PFDN1: variants seen among roughly 807,000 people sequenced by gnomAD.
PFDN1 encodes prefoldin subunit 1.
PFDN1 carries 6 observed loss-of-function variants against 17.3 expected under a neutral mutation model. The ratio of observed to expected loss-of-function variants is 0.35; its 90% CI spans 0.19 to 0.69. The LOEUF is 0.69. PFDN1 is among the 30% of genes least tolerant of loss of function. The pLI, the probability that PFDN1 is intolerant of heterozygous loss-of-function variation, is 0.65. For missense variants in PFDN1, 113 were observed against 146.2 expected (o/e 0.77, Z 1.17); for synonymous variants, 58 against 50.1 (o/e 1.16, Z -0.67).
At chr5:140,285,045 A>G (rs950381849) in intron 2 of PFDN1, among the ~76,000 whole-genome samples, 1 of 152,202 alleles carries the variant, frequency 6.6e-6, no homozygotes, top group Non-Finnish European at 1.5e-5. Context: ...ACAATCCCAG[A>G]TCACTTGCAC....
chr5:140,299,527 G>A (rs1365238330), intron 2 of PFDN1, among the ~76,000 whole-genome samples: 1 of 151,464 alleles, frequency 6.6e-6, no homozygotes, highest in Non-Finnish European at 1.5e-5. Flanking sequence ...AACCCAAGAG[G>A]CGGAGGTTGC....
At chr5:140,282,560 T>C (rs951121155) in intron 2 of PFDN1, among the ~76,000 whole-genome samples, 6 of 152,182 alleles carry the variant, frequency 3.9e-5, no homozygotes, top group Admixed American at 6.5e-5. Context: ...CCAGAGTGTA[T>C]ATAGTACCTC....
chr5:140,292,682 C>T (rs1765596605), intron 2 of PFDN1, among the ~76,000 whole-genome samples: 1 of 152,028 alleles, frequency 6.6e-6, no homozygotes, highest in Admixed American at 6.6e-5. Context: ...AACATTCTCC[C>T]AGACAGGTCC....
chr5:140,283,279 C>A (rs570992570), intron 2 of PFDN1, among the ~76,000 whole-genome samples: 1 of 152,132 alleles, frequency 6.6e-6, no homozygotes, highest in African/African-American at 2.4e-5. Flanking sequence ...GTTGCCCAGG[C>A]TGGAGTGCAG....
chr5:140,258,783 G>A (rs1465223515), intron 3 of PFDN1, among the ~76,000 whole-genome samples: 4 of 152,178 alleles, frequency 2.6e-5, no homozygotes, highest in African/African-American at 9.7e-5. Context: ...GACCTGGTTT[G>A]GAAGGGAAGA....
chr5:140,268,541 G>A (rs1765164080), intron 3 of PFDN1, among the ~76,000 whole-genome samples: 1 of 152,072 alleles, frequency 6.6e-6, no homozygotes, highest in African/African-American at 2.4e-5. Flanking sequence ...AGCTACTCGG[G>A]AGGCTGAGGC....
chr5:140,267,808 G>A (rs537039298), intron 3 of PFDN1, among the ~76,000 whole-genome samples: 1 of 151,254 alleles, frequency 6.6e-6, no homozygotes, highest in Non-Finnish European at 1.5e-5. Context: ...ATCATTTTCC[G>A]TGTCTTTATA....
chr5:140,296,522 A>G (rs1342296271), intron 2 of PFDN1, among the ~76,000 whole-genome samples: 1 of 152,168 alleles, frequency 6.6e-6, no homozygotes, highest in African/African-American at 2.4e-5. Context: ...GGCTGAAAAA[A>G]TCTTCAGAGG....
At chr5:140,292,382 G>A (rs1765592880) in intron 2 of PFDN1, among the ~76,000 whole-genome samples, 1 of 152,156 alleles carries the variant, frequency 6.6e-6, no homozygotes, top group Non-Finnish European at 1.5e-5. Context: ...TGGCACAAAT[G>A]CCAAAGTCTC....
intron 3 of PFDN1, among the ~76,000 whole-genome samples, chr5:140,274,656 C>T (rs922225470): frequency 4.6e-5 from 7 of 152,118 alleles, no homozygotes; most frequent in Non-Finnish European, 1.0e-4. Flanking sequence ...GAAAATACTT[C>T]CCAATTAATC....
intron 3 of PFDN1, among the ~76,000 whole-genome samples, chr5:140,246,450 T>G (rs1764831049): frequency 6.6e-6 from 1 of 152,246 alleles, no homozygotes; most frequent in Non-Finnish European, 1.5e-5. Flanking sequence ...TTCCATGGCC[T>G]GGGCCAGGCG....
At chr5:140,290,418 A>G (rs1238602825) in intron 2 of PFDN1, among the ~76,000 whole-genome samples, 1 of 152,204 alleles carries the variant, frequency 6.6e-6, no homozygotes, top group East Asian at 1.9e-4. Context: ...TGACAAAGCT[A>G]GCAAACACAG....
At chr5:140,278,027 G>A (rs983203460) in intron 3 of PFDN1, among the ~76,000 whole-genome samples, 3 of 151,720 alleles carry the variant, frequency 2.0e-5, no homozygotes, top group African/African-American at 7.3e-5. Context: ...TGGCCAACAT[G>A]GTGAAACCCA....
intron 3 of PFDN1, among the ~76,000 whole-genome samples, chr5:140,259,512 T>C (rs896743444): frequency 6.6e-6 from 1 of 152,202 alleles, no homozygotes; most frequent in Non-Finnish European, 1.5e-5. Flanking sequence ...GTTAAAACCC[T>C]ACAAGTCTTC....
chr5:140,286,693 C>A (rs1765500063), intron 2 of PFDN1, among the ~76,000 whole-genome samples: 1 of 142,760 alleles, frequency 7.0e-6, no homozygotes, highest in Non-Finnish European at 1.5e-5. Context: ...GCAAACTACG[C>A]CTCCAGGGTT....
chr5:140,279,855 C>T (rs927876201), intron 3 of PFDN1, among the ~76,000 whole-genome samples: 2 of 151,202 alleles, frequency 1.3e-5, no homozygotes, highest in African/African-American at 2.4e-5. Flanking sequence ...ATTAGCAGGG[C>T]GTGGTGGCGC....
chr5:140,277,004 G>A (rs1017051292), intron 3 of PFDN1, among the ~76,000 whole-genome samples: 3 of 151,782 alleles, frequency 2.0e-5, no homozygotes, highest in Non-Finnish European at 2.9e-5. Flanking sequence ...CAGATCACCC[G>A]AGGTCAGGAG....
At chr5:140,250,027 G>A (rs971396047) in intron 3 of PFDN1, among the ~76,000 whole-genome samples, 8 of 152,210 alleles carry the variant, frequency 5.3e-5, no homozygotes, top group South Asian at 2.1e-4. Flanking sequence ...TTTCCAGTGC[G>A]GTGCTGTGCT....
intron 3 of PFDN1, among the ~76,000 whole-genome samples, chr5:140,273,269 A>G (rs939373830): frequency 2.0e-5 from 3 of 152,068 alleles, no homozygotes; most frequent in African/African-American, 7.2e-5. Flanking sequence ...AAAGAGAAAA[A>G]CAGAGGTAAG....
Sources: gnomAD v4.1 joint callset for allele counts (sites outside exome capture counted in the v4.1 genomes callset) on GRCh38, gnomAD v4.1.1 for gene constraint, MANE v1.5 for transcripts, NCBI Gene and HGNC (gene_info 2026-07-23, HGNC 2026-07-21) for gene names.